HDAC8: variants seen among roughly 807,000 people sequenced by gnomAD.
HDAC8 encodes the protein histone deacetylase-like 1.
A neutral mutation model predicts 32.2 loss-of-function variants in HDAC8; 1 was observed. The observed-to-expected ratio is 0.03, with a 90% CI of 0.01 to 0.15. The LOEUF is 0.15. Ranked by LOEUF, HDAC8 falls within the 10% of genes least tolerant of loss-of-function variation. The pLI is 1.00. For missense variants in HDAC8, 117 were observed against 300.0 expected, an observed-to-expected ratio of 0.39 and a Z score of 4.51; for synonymous variants, 108 against 113.9, an observed-to-expected ratio of 0.95 and a Z score of 0.33.
At chrX:72,499,110 A>G (rs1409574118) in intron 4 of HDAC8, among the ~76,000 whole-genome samples, 3 of 111,813 alleles carry the variant, frequency 2.7e-5, no homozygotes, top group Non-Finnish European at 5.6e-5. Context: ...AGGCAGCCTG[A>G]AGCCCTCACC....
intron 7 of HDAC8, chrX:72,467,935 G>C: frequency 4.3e-6 from 5 of 1,171,900 alleles, no homozygotes; most frequent in Non-Finnish European, 5.7e-6. Flanking sequence ...AAGGCAGGCA[G>C]GTGTTTCTGG....
intron 9 of HDAC8, among the ~76,000 whole-genome samples, chrX:72,387,309 C>T (rs1299626238): frequency 8.9e-5 from 10 of 112,061 alleles, no homozygotes; most frequent in African/African-American, 3.2e-4. Context: ...GCTCCTCTCC[C>T]TGCAGAAGGA....
chrX:72,403,885 A>G (rs1478555492), intron 9 of HDAC8, among the ~76,000 whole-genome samples: 1 of 111,417 alleles, frequency 9.0e-6, no homozygotes, highest in Non-Finnish European at 1.9e-5. Context: ...ACAACACAGT[A>G]CCTGGGTTAT....
chrX:72,513,016 T>C (rs1485562578), intron 4 of HDAC8, among the ~76,000 whole-genome samples: 3 of 111,873 alleles, frequency 2.7e-5, no homozygotes, highest in African/African-American at 9.8e-5. Flanking sequence ...ACATGCATAG[T>C]TTTGGACTTG....
chrX:72,567,631 A>G, intron 4 of HDAC8: 1 of 701,438 alleles, frequency 1.4e-6, no homozygotes, highest in South Asian at 2.4e-5. Context: ...AGGCCTAGGG[A>G]GGGTAATCAG....
intron 2 of HDAC8, among the ~76,000 whole-genome samples, chrX:72,570,189 A>G (rs1458366189): frequency 1.8e-5 from 2 of 111,868 alleles, no homozygotes; most frequent in Non-Finnish European, 3.8e-5. Flanking sequence ...CAGAGGTGAA[A>G]AATCTACCCA....
chrX:72,330,946 C>CTTTTTTT (rs66720533), intron 10 of HDAC8: 2 of 55,645 alleles, frequency 3.6e-5, no homozygotes, highest in East Asian at 3.9e-4. Context: ...ACTTGCCTAT[C>CTTTTTTT]TTTTTTTTTT....
intron 9 of HDAC8, among the ~76,000 whole-genome samples, chrX:72,352,540 C>A (rs1039486654): frequency 9.0e-6 from 1 of 111,360 alleles, no homozygotes; most frequent in Non-Finnish European, 1.9e-5. Flanking sequence ...GTCAGCTCCC[C>A]GAAGGCAGGC....
intron 4 of HDAC8, among the ~76,000 whole-genome samples, chrX:72,551,079 GCACACACA>G (rs56118046): frequency 6.2e-5 from 6 of 96,408 alleles, no homozygotes; most frequent in East Asian, 3.3e-4. Context: ...TGAAGTCAGC[GCACACACA>G]CACACACACA....
intron 9 of HDAC8, among the ~76,000 whole-genome samples, chrX:72,388,933 G>T (rs1166650953): frequency 5.4e-5 from 6 of 111,980 alleles, no homozygotes; most frequent in Non-Finnish European, 7.5e-5. Flanking sequence ...CCAGAATTGT[G>T]AGAAAATAAA....
At chrX:72,442,458 C>T (rs1323002607) in intron 9 of HDAC8, among the ~76,000 whole-genome samples, 6 of 111,299 alleles carry the variant, frequency 5.4e-5, no homozygotes, top group Middle Eastern at 4.7e-3. Flanking sequence ...GAAGGAGAAA[C>T]AAAATCCTTT....
chrX:72,496,486 C>G (rs1411567501), intron 4 of HDAC8, among the ~76,000 whole-genome samples: 2 of 111,261 alleles, frequency 1.8e-5, no homozygotes, highest in Non-Finnish European at 3.8e-5. Flanking sequence ...ATTTCTCCAT[C>G]TATGAATTCT....
intron 9 of HDAC8, among the ~76,000 whole-genome samples, chrX:72,399,796 T>C (rs1379231408): frequency 8.9e-6 from 1 of 112,598 alleles, no homozygotes; most frequent in Non-Finnish European, 1.9e-5. Context: ...CCAGACACTT[T>C]ATATTTTTAT....
At chrX:72,458,564 C>T (rs1204705784) in intron 9 of HDAC8, among the ~76,000 whole-genome samples, 14 of 111,506 alleles carry the variant, frequency 1.3e-4, no homozygotes, top group Non-Finnish European at 2.1e-4. Flanking sequence ...GATTACGCTT[C>T]CAATTCTTTC....
At chrX:72,358,790 G>T (rs1440308276) in intron 9 of HDAC8, among the ~76,000 whole-genome samples, 1 of 111,782 alleles carries the variant, frequency 8.9e-6, no homozygotes, top group Non-Finnish European at 1.9e-5. Flanking sequence ...AGGTGGGGAT[G>T]GTTTCAGGAT....
At chrX:72,367,190 T>C (rs1391035199) in intron 9 of HDAC8, among the ~76,000 whole-genome samples, 1 of 111,977 alleles carries the variant, frequency 8.9e-6, no homozygotes, top group Non-Finnish European at 1.9e-5. Flanking sequence ...AAGGGTACTG[T>C]GAACATAGCG....
At chrX:72,433,933 G>A (rs981167201) in intron 9 of HDAC8, among the ~76,000 whole-genome samples, 2 of 112,206 alleles carry the variant, frequency 1.8e-5, no homozygotes, top group Non-Finnish European at 3.8e-5. Flanking sequence ...TAGGCACATC[G>A]CATGTGCTCA....
chrX:72,560,674 T>C (rs1234576891), intron 4 of HDAC8, among the ~76,000 whole-genome samples: 1 of 109,750 alleles, frequency 9.1e-6, no homozygotes, highest in Non-Finnish European at 1.9e-5. Context: ...AATGATGTTA[T>C]CTATAGGTTC....
intron 9 of HDAC8, among the ~76,000 whole-genome samples, chrX:72,356,284 G>C (rs2044357798): frequency 9.0e-6 from 1 of 111,305 alleles, no homozygotes; most frequent in Admixed American, 9.6e-5. Context: ...ATAGAGGATG[G>C]GAGGGAGGCA....
Sources: gnomAD v4.1 joint callset for allele counts (sites outside exome capture counted in the v4.1 genomes callset) on GRCh38, gnomAD v4.1.1 for gene constraint, MANE v1.5 for transcripts, NCBI Gene and HGNC (gene_info 2026-07-23, HGNC 2026-07-21) for gene names.